Variants in ZBTB20 observed in about 807,000 individuals in gnomAD.
The protein encoded by ZBTB20 is zinc finger and BTB domain containing 20, also known as zinc finger and BTB domain-containing protein 20.
Under a neutral mutation model 56.9 loss-of-function variants are expected in ZBTB20, and 9 were observed. The ratio of observed to expected loss-of-function variants is 0.16; its 90% CI spans 0.10 to 0.28. The LOEUF (loss-of-function observed/expected upper bound fraction) is 0.28, where lower values mean the gene tolerates loss of function less well. Among genes scored for constraint, ZBTB20 ranks in the 10% least tolerant of loss-of-function variants. The probability of loss-of-function intolerance (pLI) is 1.00; values close to 1 mark genes in which losing one functional copy is unlikely to be tolerated. For missense variants in ZBTB20, 655 were observed against 1,003.0 expected, an observed-to-expected ratio of 0.65 and a Z score of 4.69; for synonymous variants, 417 against 420.7, an observed-to-expected ratio of 0.99 and a Z score of 0.11.
intron 5 of ZBTB20, among the ~76,000 whole-genome samples, chr3:114,768,806 T>C (rs930212191): frequency 6.6e-6 from 1 of 152,180 alleles, no homozygotes; most frequent in Admixed American, 6.5e-5. Flanking sequence ...AACGATTAAA[T>C]GACTTCATTA....
At chr3:114,740,522 G>A (rs2066498436) in intron 5 of ZBTB20, among the ~76,000 whole-genome samples, 1 of 152,186 alleles carries the variant, frequency 6.6e-6, no homozygotes, top group South Asian at 2.1e-4. Context: ...TTTCAGAAAT[G>A]AGAGTTGATT....
chr3:114,979,735 G>A (rs569048607), intron 2 of ZBTB20, among the ~76,000 whole-genome samples: 1 of 151,952 alleles, frequency 6.6e-6, no homozygotes, highest in Non-Finnish European at 1.5e-5. Context: ...AGAAGACAAG[G>A]ATACATTCCT....
At chr3:115,122,385 C>G (rs2084208686) in intron 1 of ZBTB20, among the ~76,000 whole-genome samples, 1 of 152,010 alleles carries the variant, frequency 6.6e-6, no homozygotes, top group Non-Finnish European at 1.5e-5. Flanking sequence ...CCGTCTAATT[C>G]TCTTCTCTTA....
chr3:115,122,876 C>T (rs2084223551), intron 1 of ZBTB20, among the ~76,000 whole-genome samples: 1 of 152,122 alleles, frequency 6.6e-6, no homozygotes, highest in Non-Finnish European at 1.5e-5. Context: ...GCTCACTCCT[C>T]CAAGTTCTGC....
chr3:114,774,894 C>A (rs963641961), intron 5 of ZBTB20, among the ~76,000 whole-genome samples: 83 of 151,822 alleles, frequency 5.5e-4, no homozygotes, highest in African/African-American at 1.8e-3. Context: ...CTATTAAAAG[C>A]CTTTGTTAGT....
At chr3:114,789,309 C>G (rs559177359) in intron 5 of ZBTB20, among the ~76,000 whole-genome samples, 1 of 152,148 alleles carries the variant, frequency 6.6e-6, no homozygotes, top group East Asian at 1.9e-4. Flanking sequence ...CAGTCACTAT[C>G]CAGAAAAATG....
At chr3:114,570,349 A>C (rs898470863) in intron 6 of ZBTB20, among the ~76,000 whole-genome samples, 3 of 151,564 alleles carry the variant, frequency 2.0e-5, no homozygotes, top group African/African-American at 7.3e-5. Context: ...AATTCCATGC[A>C]CTTCAAATAC....
intron 3 of ZBTB20, among the ~76,000 whole-genome samples, chr3:114,952,195 G>A (rs1052413854): frequency 6.6e-6 from 1 of 152,062 alleles, no homozygotes; most frequent in Non-Finnish European, 1.5e-5. Flanking sequence ...TAACAGTGTT[G>A]AGTATCAGGA....
At chr3:114,366,039 T>G (rs1348925711) in intron 10 of ZBTB20, among the ~76,000 whole-genome samples, 2 of 152,222 alleles carry the variant, frequency 1.3e-5, no homozygotes, top group African/African-American at 4.8e-5. Context: ...CATTCATTTA[T>G]TCATTCAACA....
intron 10 of ZBTB20, among the ~76,000 whole-genome samples, chr3:114,355,843 C>A (rs569718652): frequency 3.8e-3 from 566 of 149,460 alleles, no homozygotes; most frequent in Non-Finnish European, 6.1e-3. Context: ...AAAAAAAAAA[C>A]ACACACACAC....
At chr3:114,795,655 G>C (rs1313846617) in intron 5 of ZBTB20, among the ~76,000 whole-genome samples, 1 of 151,988 alleles carries the variant, frequency 6.6e-6, no homozygotes, top group South Asian at 2.1e-4. Context: ...ACACCCAAAG[G>C]ACAGTATAAG....
intron 6 of ZBTB20, among the ~76,000 whole-genome samples, chr3:114,689,350 C>T (rs2062557293): frequency 6.6e-6 from 1 of 152,106 alleles, no homozygotes; most frequent in Admixed American, 6.6e-5. Flanking sequence ...ATCCTTAGGT[C>T]TAAAATGAAA....
chr3:114,695,548 T>C lies in ZBTB20; in HGVS notation c.-342-1973A>G, dbSNP rs946673564. 2.0e-5 allele frequency among the ~76,000 whole-genome samples: 3 copies of C among 151,802 alleles called. No individual in the cohort carries two copies. In the East Asian group the frequency reaches 5.8e-4, roughly 29 times the overall value. ...AAAGACTTTTCCTCTGCTTCTTTTA[T>C]AACGAGATACTTTCAACTATTTTTG... On this transcript the variant is annotated intron_variant, in intron 5 of 11. Transcript: ENST00000675478.
At chr3:115,046,174 A>T (rs1385559723) in intron 2 of ZBTB20, among the ~76,000 whole-genome samples, 1 of 152,210 alleles carries the variant, frequency 6.6e-6, no homozygotes, top group Non-Finnish European at 1.5e-5. Context: ...CCCAGAGGTT[A>T]CGAAAAGGTT....
chr3:114,863,734 A>G (rs945789122), intron 4 of ZBTB20, among the ~76,000 whole-genome samples: 2 of 152,114 alleles, frequency 1.3e-5, no homozygotes, highest in African/African-American at 4.8e-5. Context: ...CTTGAAGGCA[A>G]TATCACTTCC....
At chr3:115,110,122 G>T (rs1560579761) in intron 1 of ZBTB20, among the ~76,000 whole-genome samples, 1 of 151,646 alleles carries the variant, frequency 6.6e-6, no homozygotes, top group Non-Finnish European at 1.5e-5. Context: ...TGAGGCAAGA[G>T]AATCACTTGA....
chr3:115,077,215 C>T (rs1238148402), intron 1 of ZBTB20, among the ~76,000 whole-genome samples: 1 of 152,090 alleles, frequency 6.6e-6, no homozygotes, highest in Non-Finnish European at 1.5e-5. Flanking sequence ...AATAATCCAA[C>T]TTTTAATAAT....
intron 5 of ZBTB20, among the ~76,000 whole-genome samples, chr3:114,787,364 T>C (rs200347402): frequency 0.59 from 58,399 of 99,018 alleles, 15,919 homozygotes; most frequent in East Asian, 0.93. Flanking sequence ...TATATATATA[T>C]ATATACACAC....
intron 4 of ZBTB20, among the ~76,000 whole-genome samples, chr3:114,825,500 A>G (rs1373963920): frequency 6.6e-6 from 1 of 151,866 alleles, no homozygotes; most frequent in Non-Finnish European, 1.5e-5. Flanking sequence ...CCACTTCCTA[A>G]AAACATTTAG....
Sources: gnomAD v4.1 joint callset for allele counts (sites outside exome capture counted in the v4.1 genomes callset) on GRCh38, gnomAD v4.1.1 for gene constraint, MANE v1.5 for transcripts, NCBI Gene and HGNC (gene_info 2026-07-23, HGNC 2026-07-21) for gene names.